The following PIK3CB variants were observed in gnomAD, a reference collection of about 807,000 sequenced individuals.
PIK3CB encodes the protein phosphatidylinositol-4,5-bisphosphate 3-kinase catalytic subunit beta.
A neutral mutation model predicts 136.8 loss-of-function variants in PIK3CB; 39 were observed. The observed-to-expected ratio is 0.29, with a 90% CI of 0.22 to 0.37. PIK3CB has a LOEUF of 0.37. Ranked by LOEUF, PIK3CB falls within the 10% of genes least tolerant of loss-of-function variation. The pLI, the probability that PIK3CB is intolerant of heterozygous loss-of-function variation, is 1.00. For missense variants in PIK3CB, 868 were observed against 1,275.4 expected (o/e 0.68, Z 4.87); for synonymous variants, 428 against 436.6 (o/e 0.98, Z 0.25).
At chr3:138,799,268 C>T (rs547174496) in intron 1 of PIK3CB, among the ~76,000 whole-genome samples, 189 of 151,190 alleles carry the variant, frequency 1.3e-3, no homozygotes, top group Non-Finnish European at 2.3e-3. Flanking sequence ...ACCTCCACCT[C>T]CCCGGTTCAA....
rs115195953 is a variant in PIK3CB at position 138,746,383 on chromosome 3, G to A, written c.398-3602C>T. Among the ~76,000 whole-genome samples the A allele has an allele frequency of 2.7e-3, 406 of 151,932 alleles. 1 individual carries two copies. Among genetic ancestry groups the A allele is most frequent in the African/African-American group, 4.3e-3 (178 of 41,462 alleles). On this transcript the variant is annotated intron_variant, in intron 4 of 23. Transcript: ENST00000674063. ...CCTTTCTAAAATTGTCAAATCGGCC[G>A]GGCACGGTGGCTCACGCCTGTAATC... is the stretch of plus-strand genomic sequence containing the variant.
At chr3:138,691,488 G>A (rs1025144160) in intron 14 of PIK3CB, among the ~76,000 whole-genome samples, 1 of 152,174 alleles carries the variant, frequency 6.6e-6, no homozygotes, top group Non-Finnish European at 1.5e-5. Flanking sequence ...GGTGGGAGGT[G>A]ACTGAATCAA....
intron 19 of PIK3CB, among the ~76,000 whole-genome samples, chr3:138,666,738 C>T (rs2043417934): frequency 6.6e-6 from 1 of 152,122 alleles, no homozygotes; most frequent in South Asian, 2.1e-4. Context: ...TCAGTAAATA[C>T]TCGGGTACAG....
rs2043170551 is a variant in PIK3CB at position 138,655,193 on chromosome 3, G to A, written c.*196C>T. The A allele has an allele frequency of 1.7e-6, 1 of 582,958 alleles. No homozygotes were observed. The highest frequency in any genetic ancestry group is 3.0e-6 in the Non-Finnish European group (1 of 330,040). The allele number at this position is 582,958 out of a possible 1,614,324, so 36.1% of individuals were successfully genotyped here. A position where few individuals can be genotyped will look rare whatever the true frequency, so the allele number is the denominator to read the frequency against. Reference sequence around the variant, plus strand: ...ACAGTTTTCATGATAAGTCTTGGAAGCATTCAAAAAGCAGAGGGAATCATC... The same window carrying A: ...ACAGTTTTCATGATAAGTCTTGGAAACATTCAAAAAGCAGAGGGAATCATC... On this transcript the variant is annotated 3_prime_UTR_variant, in exon 24 of 24. Transcript: ENST00000674063.
chr3:138,777,925 G>C (rs188324725), intron 2 of PIK3CB: 1 of 280,882 alleles, frequency 3.6e-6, no homozygotes, highest in Admixed American at 3.7e-5. Flanking sequence ...GTCTCATCAA[G>C]GACCCCCTCA....
intron 11 of PIK3CB, 89 bp downstream of exon 11, chr3:138,707,070 G>C: frequency 5.8e-6 from 5 of 863,604 alleles, no homozygotes; most frequent in Non-Finnish European, 9.7e-6. Context: ...GGGAAGTTTT[G>C]AAAGAGACAG....
intron 21 of PIK3CB, among the ~76,000 whole-genome samples, chr3:138,659,669 C>T (rs961438999): frequency 6.6e-6 from 1 of 152,078 alleles, no homozygotes; most frequent in Non-Finnish European, 1.5e-5. Flanking sequence ...ATGTGGCCTG[C>T]TGTGTCTCTG....
chr3:138,705,266 CA>C (rs2044356740), intron 11 of PIK3CB, among the ~76,000 whole-genome samples: 2 of 149,438 alleles, frequency 1.3e-5, no homozygotes, highest in African/African-American at 4.9e-5. Context: ...TCATTTGAGC[CA>C]AAAGAGCCTA....
intron 2 of PIK3CB, chr3:138,778,552 C>G (rs939899268): frequency 1.3e-5 from 3 of 225,920 alleles, no homozygotes; most frequent in South Asian, 1.1e-4. Context: ...TGGACCTGAC[C>G]TGCCATCTGG....
At chr3:138,802,242 T>C (rs1157496659) in intron 1 of PIK3CB, among the ~76,000 whole-genome samples, 1 of 145,008 alleles carries the variant, frequency 6.9e-6, no homozygotes, top group African/African-American at 2.5e-5. Flanking sequence ...AATCCAGGCA[T>C]GGTGGTGGGC....
intron 4 of PIK3CB, among the ~76,000 whole-genome samples, chr3:138,748,642 G>A (rs2045409692): frequency 6.6e-6 from 1 of 152,148 alleles, no homozygotes; most frequent in Admixed American, 6.5e-5. Flanking sequence ...AGTGGTGCAG[G>A]AGATAAAAAT....
At chr3:138,726,011 T>G (rs2044827855) in intron 8 of PIK3CB, among the ~76,000 whole-genome samples, 2 of 152,220 alleles carry the variant, frequency 1.3e-5, no homozygotes, top group African/African-American at 2.4e-5. Context: ...GTTAGTTAGG[T>G]TCAACAGTTG....
chr3:138,741,149 G>C (rs2045235617), intron 5 of PIK3CB, among the ~76,000 whole-genome samples: 1 of 152,214 alleles, frequency 6.6e-6, no homozygotes, highest in Non-Finnish European at 1.5e-5. Flanking sequence ...TACTTGTTTA[G>C]AGAAAATGCC....
chr3:138,751,089 C>T (rs565625932), intron 4 of PIK3CB, among the ~76,000 whole-genome samples: 1 of 152,274 alleles, frequency 6.6e-6, no homozygotes, highest in Non-Finnish European at 1.5e-5. Context: ...CACACTGAAT[C>T]CCAATCTCTG....
intron 1 of PIK3CB, among the ~76,000 whole-genome samples, chr3:138,823,017 T>C (rs1446548248): frequency 6.7e-6 from 1 of 149,800 alleles, no homozygotes; most frequent in Admixed American, 6.7e-5. Context: ...GCCTCCTGGG[T>C]TCAAGCCGAT....
At chr3:138,690,137 AT>A (rs1476361414) in intron 15 of PIK3CB, among the ~76,000 whole-genome samples, 2 of 152,082 alleles carry the variant, frequency 1.3e-5, no homozygotes, top group African/African-American at 4.8e-5. Context: ...GTGGAAAAAA[AT>A]ATATGAATAA....
chr3:138,677,507 A>T (rs2043673036), intron 19 of PIK3CB, among the ~76,000 whole-genome samples: 1 of 152,220 alleles, frequency 6.6e-6, no homozygotes, highest in African/African-American at 2.4e-5. Context: ...TAATATAAGG[A>T]GTTGTTAAAT....
intron 19 of PIK3CB, among the ~76,000 whole-genome samples, chr3:138,679,068 A>C (rs1307035578): frequency 6.6e-6 from 1 of 152,174 alleles, no homozygotes; most frequent in African/African-American, 2.4e-5. Flanking sequence ...TCTGACTCAA[A>C]AAACAAACAA....
intron 2 of PIK3CB, among the ~76,000 whole-genome samples, chr3:138,785,278 G>A (rs1358859833): frequency 6.7e-6 from 1 of 150,340 alleles, no homozygotes; most frequent in African/African-American, 2.4e-5. Context: ...TCCAGGAGGT[G>A]GGGGGGCGCC....
Sources: allele counts gnomAD v4.1 joint callset (sites outside exome capture counted in the v4.1 genomes callset), GRCh38; gene constraint gnomAD v4.1.1; transcripts MANE v1.5; gene names NCBI Gene and HGNC (gene_info 2026-07-23, HGNC 2026-07-21).